Variants in NR6A1 observed in about 807,000 individuals in gnomAD.
NR6A1 encodes retinoic acid receptor-related testis-associated receptor.
Under a neutral mutation model 59.1 loss-of-function variants are expected in NR6A1, and 7 were observed. That is an observed-to-expected ratio of 0.12 (90% CI 0.07 to 0.22). The LOEUF is 0.22. Among genes scored for constraint, NR6A1 ranks in the 10% least tolerant of loss-of-function variants. NR6A1 has a pLI of 1.00. For missense variants in NR6A1, 468 were observed against 611.6 expected, an observed-to-expected ratio of 0.77 and a Z score of 2.48; for synonymous variants, 243 against 236.1, an observed-to-expected ratio of 1.03 and a Z score of -0.27.
In NR6A1 at chr9:124,665,111, T is replaced by C. The variant is rs573572323; in HGVS notation, c.142+68197A>G. On this transcript the variant is annotated intron_variant, in intron 2 of 9. Transcript: ENST00000487099. ...CAGGAGGCTAAGGCAGGAGGATCAC[T>C]TGAGGTTGAGGCTGCAGGGAGCCAT... Among the ~76,000 whole-genome samples, 88 of 150,980 alleles carry C rather than the reference T, an allele frequency of 5.8e-4. 1 individual carries two copies. In the South Asian group the frequency reaches 0.018, roughly 31 times the overall value.
chr9:124,725,385 A>C (rs1174542431), intron 2 of NR6A1, among the ~76,000 whole-genome samples: 2 of 151,504 alleles, frequency 1.3e-5, no homozygotes, highest in Non-Finnish European at 2.9e-5. Context: ...ATCACACTAA[A>C]GGTATTTAAA....
intron 2 of NR6A1, among the ~76,000 whole-genome samples, chr9:124,600,861 C>T (rs145886699): frequency 7.6e-4 from 115 of 151,212 alleles, no homozygotes; most frequent in African/African-American, 2.8e-3. Flanking sequence ...ATTTCAAGAC[C>T]TGAAGGAAGA....
At chr9:124,752,922 G>A (rs1840546459) in intron 1 of NR6A1, among the ~76,000 whole-genome samples, 1 of 152,134 alleles carries the variant, frequency 6.6e-6, no homozygotes, top group Non-Finnish European at 1.5e-5. Flanking sequence ...GGCAGGGACA[G>A]GGAGGCAAGA....
intron 2 of NR6A1, among the ~76,000 whole-genome samples, chr9:124,732,272 C>A (rs757115334): frequency 2.6e-5 from 4 of 152,146 alleles, no homozygotes; most frequent in Non-Finnish European, 5.9e-5. Context: ...GTACTACAAT[C>A]AGAAAAATAA....
chr9:124,724,984 C>T (rs1839668254), intron 2 of NR6A1, among the ~76,000 whole-genome samples: 2 of 152,170 alleles, frequency 1.3e-5, no homozygotes, highest in African/African-American at 4.8e-5. Context: ...TAACTGGCCC[C>T]CAAACATAAA....
chr9:124,654,330 T>C lies in NR6A1; in HGVS notation c.142+78978A>G, dbSNP rs75551976. Among the ~76,000 whole-genome samples, 734 of 152,236 alleles carry C rather than the reference T, an allele frequency of 4.8e-3. 1 individual carries two copies. Among genetic ancestry groups the C allele is most frequent in the Middle Eastern group, 0.027 (8 of 294 alleles). On this transcript the variant is annotated intron_variant, in intron 2 of 9. Transcript: ENST00000487099. ...CTTAAAACCTTCCAATGTCCTACTA[T>C]TTGGGGGGAAAAAAACAAATTTGGG... is the stretch of plus-strand genomic sequence containing the variant.
chr9:124,653,597 G>A (rs1837164477), intron 2 of NR6A1, among the ~76,000 whole-genome samples: 1 of 152,060 alleles, frequency 6.6e-6, no homozygotes, highest in African/African-American at 2.4e-5. Flanking sequence ...TGTAGATATG[G>A]GGGTCTTACT....
intron 2 of NR6A1, among the ~76,000 whole-genome samples, chr9:124,556,863 A>G (rs969295414): frequency 6.9e-6 from 1 of 144,548 alleles, no homozygotes; most frequent in Admixed American, 6.7e-5. Context: ...GGAAACTAAT[A>G]TACCTTTTTT....
chr9:124,700,301 T>G (rs894904874), intron 2 of NR6A1, among the ~76,000 whole-genome samples: 2 of 151,932 alleles, frequency 1.3e-5, no homozygotes, highest in African/African-American at 4.8e-5. Flanking sequence ...TTCAAGTGAT[T>G]CTCCCACCTC....
chr9:124,637,891 C>CAA (rs1483887142), intron 2 of NR6A1, among the ~76,000 whole-genome samples: 1 of 72,210 alleles, frequency 1.4e-5, no homozygotes, highest in Non-Finnish European at 3.2e-5. Context: ...GACTCCCTCT[C>CAA]CAAAAAAAAA....
chr9:124,596,013 A>G (rs566667079), intron 2 of NR6A1, among the ~76,000 whole-genome samples: 1 of 152,178 alleles, frequency 6.6e-6, no homozygotes, highest in Non-Finnish European at 1.5e-5. Context: ...TGATAGACTT[A>G]TTTTCTTTAG....
intron 2 of NR6A1, among the ~76,000 whole-genome samples, chr9:124,708,253 GC>G (rs1276567782): frequency 6.6e-6 from 1 of 152,152 alleles, no homozygotes; most frequent in Non-Finnish European, 1.5e-5. Context: ...CCCTCCTGCA[GC>G]AGTCATAAAG....
intron 2 of NR6A1, among the ~76,000 whole-genome samples, chr9:124,591,358 G>A (rs1288384493): frequency 6.6e-6 from 1 of 152,144 alleles, no homozygotes; most frequent in African/African-American, 2.4e-5. Context: ...GGAAATTGAG[G>A]TTCATAGAGG....
chr9:124,657,678 C>T (rs1297832664), intron 2 of NR6A1, among the ~76,000 whole-genome samples: 1 of 152,038 alleles, frequency 6.6e-6, no homozygotes, highest in Non-Finnish European at 1.5e-5. Flanking sequence ...GAGAGCAGAC[C>T]GTGGCTGTCT....
chr9:124,545,421 G>C (rs528872972), intron 3 of NR6A1, among the ~76,000 whole-genome samples: 1 of 152,320 alleles, frequency 6.6e-6, no homozygotes, highest in African/African-American at 2.4e-5. Context: ...GGAGGCAACA[G>C]GGTCGGTCTG....
At chr9:124,612,935 A>G (rs1158992175) in intron 2 of NR6A1, among the ~76,000 whole-genome samples, 1 of 152,196 alleles carries the variant, frequency 6.6e-6, no homozygotes, top group Non-Finnish European at 1.5e-5. Context: ...TAAAATGCCC[A>G]TGCCATTTAA....
At chr9:124,721,935 G>A (rs909781032) in intron 2 of NR6A1, among the ~76,000 whole-genome samples, 1 of 152,132 alleles carries the variant, frequency 6.6e-6, no homozygotes, top group African/African-American at 2.4e-5. Context: ...AATCTCTTCA[G>A]GCCTCATAGT....
chr9:124,647,328 A>G (rs988073736), intron 2 of NR6A1, among the ~76,000 whole-genome samples: 2 of 152,234 alleles, frequency 1.3e-5, no homozygotes, highest in Non-Finnish European at 2.9e-5. Context: ...GAGACATTTC[A>G]GAAATACAAA....
chr9:124,536,985 A>C (rs1032400496), intron 6 of NR6A1, among the ~76,000 whole-genome samples: 1 of 152,068 alleles, frequency 6.6e-6, no homozygotes, highest in Non-Finnish European at 1.5e-5. Context: ...CGGCTTTGAG[A>C]CCACAGACTC....
Sources: gnomAD v4.1 joint callset for allele counts (sites outside exome capture counted in the v4.1 genomes callset) on GRCh38, gnomAD v4.1.1 for gene constraint, MANE v1.5 for transcripts, NCBI Gene and HGNC (gene_info 2026-07-23, HGNC 2026-07-21) for gene names.